NPTN: variants seen among roughly 807,000 people sequenced by gnomAD.
NPTN encodes SDR-1.
NPTN carries 5 observed loss-of-function variants against 42.7 expected under a neutral mutation model. That is an observed-to-expected ratio of 0.12 (90% CI 0.06 to 0.25). NPTN has a LOEUF of 0.25. Ranked by LOEUF, NPTN falls within the 10% of genes least tolerant of loss-of-function variation. The probability of loss-of-function intolerance (pLI) is 1.00; values close to 1 mark genes in which losing one functional copy is unlikely to be tolerated. For missense variants in NPTN, 307 were observed against 525.4 expected, an observed-to-expected ratio of 0.58 and a Z score of 4.06; for synonymous variants, 180 against 201.9, an observed-to-expected ratio of 0.89 and a Z score of 0.92.
intron 8 of NPTN, among the ~76,000 whole-genome samples, chr15:73,561,490 G>A (rs1487327136): frequency 6.6e-6 from 1 of 152,102 alleles, no homozygotes; most frequent in Non-Finnish European, 1.5e-5. Context: ...GACCACCCTG[G>A]CCAACATGAT....
chr15:73,602,762 A>G (rs185777511), intron 1 of NPTN, among the ~76,000 whole-genome samples: 2 of 152,346 alleles, frequency 1.3e-5, no homozygotes, highest in Admixed American at 1.3e-4. Context: ...GGTACCACAG[A>G]TTAGTCTCAT....
chr15:73,617,112 A>T (rs896385565), intron 1 of NPTN, among the ~76,000 whole-genome samples: 5 of 152,216 alleles, frequency 3.3e-5, no homozygotes, highest in African/African-American at 1.2e-4. Context: ...ACTATATTCA[A>T]AAAAAGACTA....
intron 3 of NPTN, among the ~76,000 whole-genome samples, chr15:73,590,939 T>C (rs1030616490): frequency 6.6e-6 from 1 of 152,088 alleles, no homozygotes; most frequent in South Asian, 2.1e-4. Context: ...ACAGTGGAGA[T>C]AGGTTAACTA....
chr15:73,578,666 G>A (rs1348556047), intron 4 of NPTN, among the ~76,000 whole-genome samples: 3 of 152,176 alleles, frequency 2.0e-5, no homozygotes, highest in African/African-American at 7.2e-5. Flanking sequence ...TCTAGAACAT[G>A]GTAAGTTTAA....
At chr15:73,583,876 TCA>T (rs1789201025) in intron 4 of NPTN, among the ~76,000 whole-genome samples, 1 of 152,214 alleles carries the variant, frequency 6.6e-6, no homozygotes, top group South Asian at 2.1e-4. Context: ...TCACTGTTCT[TCA>T]CAGTGATCTT....
chr15:73,564,670 A>C (rs1161051175), intron 6 of NPTN, among the ~76,000 whole-genome samples: 1 of 152,146 alleles, frequency 6.6e-6, no homozygotes, highest in Non-Finnish European at 1.5e-5. Flanking sequence ...ATACAAAGAC[A>C]TACCAGGTAC....
Position 73,569,411 on chromosome 15 carries a change from C to G in NPTN, c.1114+739G>C. 2.0e-6 allele frequency: 2 copies of G among 985,832 alleles called. No homozygotes were observed. The highest frequency in any genetic ancestry group is 9.4e-5 in the South Asian group (2 of 21,296). The allele number at this position is 985,832 out of a possible 1,614,324, so 61.1% of individuals were successfully genotyped here. A position where few individuals can be genotyped will look rare whatever the true frequency, so the allele number is the denominator to read the frequency against. ...TGGTGTGCTGTGGTTCTGCTGCTAC[C>G]ATCTCCTCCCTTCTCTGACCCTAGG... On this transcript the variant is annotated intron_variant, in intron 6 of 8. Coordinates refer to ENST00000345330, the MANE Select transcript of NPTN (RefSeq NM_012428.4). The surrounding 1 kb of genome is among the most constrained non-coding windows in gnomAD (Gnocchi z 4.1).
chr15:73,595,990 T>G (rs1896819567), intron 2 of NPTN, among the ~76,000 whole-genome samples: 1 of 152,186 alleles, frequency 6.6e-6, no homozygotes, highest in Non-Finnish European at 1.5e-5. Flanking sequence ...AGTTTCCTCT[T>G]TTTTCAAGAC....
chr15:73,564,503 A>AAC (rs1242602987), intron 6 of NPTN, among the ~76,000 whole-genome samples: 2 of 152,198 alleles, frequency 1.3e-5, no homozygotes, highest in African/African-American at 4.8e-5. Context: ...ACTAACCACA[A>AAC]ACCAATGACT....
intron 4 of NPTN, among the ~76,000 whole-genome samples, chr15:73,583,846 G>A (rs190417704): frequency 5.9e-5 from 9 of 152,276 alleles, no homozygotes; most frequent in South Asian, 2.1e-4. Flanking sequence ...TGAAAGTGCC[G>A]TGTGAATGTG....
chr15:73,632,854 C>T (rs959238608), intron 1 of NPTN: 3 of 361,880 alleles, frequency 8.3e-6, no homozygotes, highest in Non-Finnish European at 1.5e-5. Context: ...CTCGCCGACC[C>T]GGCACGACGA....
Position 73,597,381 on chromosome 15 carries a change from G to A in NPTN, c.92-12C>T. 2 of 1,602,338 alleles carry A rather than the reference G, an allele frequency of 1.2e-6. No individual in the cohort carries two copies. The highest frequency in any genetic ancestry group is 1.7e-6 in the Non-Finnish European group (2 of 1,170,892). On this transcript the variant is annotated splice_polypyrimidine_tract_variant and intron_variant, in intron 1 of 8. Transcript: ENST00000345330. This position sits in a 1 kb window ranked among gnomAD's most constrained non-coding sequence, Gnocchi z 6.3. Reference sequence around the variant, plus strand: ...CTTGACAAACCCAGCTAGAGGGAGGGGGAGCAGGAATGCAGTGACAGGCCA... The same window carrying A: ...CTTGACAAACCCAGCTAGAGGGAGGAGGAGCAGGAATGCAGTGACAGGCCA...
intron 4 of NPTN, among the ~76,000 whole-genome samples, chr15:73,575,580 C>G (rs1427122646): frequency 1.3e-5 from 2 of 152,216 alleles, no homozygotes; most frequent in African/African-American, 4.8e-5. Flanking sequence ...ATGGAGACAC[C>G]TCGTGTCCTT....
intron 3 of NPTN, among the ~76,000 whole-genome samples, chr15:73,589,074 G>A (rs1896463134): frequency 6.6e-6 from 1 of 152,192 alleles, no homozygotes. Context: ...GCTCACACCT[G>A]TAATCCCAGC....
chr15:73,561,839 T>C (rs966115032), intron 8 of NPTN, 57 bp downstream of exon 8: 16 of 1,248,872 alleles, frequency 1.3e-5, no homozygotes, highest in East Asian at 9.4e-5. Flanking sequence ...ACAAGGTCAA[T>C]AGAGGCACAT....
intron 1 of NPTN, among the ~76,000 whole-genome samples, chr15:73,628,742 A>G (rs1192741626): frequency 6.6e-6 from 1 of 152,062 alleles, no homozygotes; most frequent in Non-Finnish European, 1.5e-5. Flanking sequence ...GCCCAATTAA[A>G]TCTTTTTTTA....
intron 4 of NPTN, among the ~76,000 whole-genome samples, chr15:73,584,608 T>TAAA (rs1371738898): frequency 6.6e-6 from 1 of 152,032 alleles, no homozygotes; most frequent in Non-Finnish European, 1.5e-5. Flanking sequence ...GGTGGGGCTT[T>TAAA]GGGCTCCATA....
At chr15:73,618,658 G>A (rs1897978886) in intron 1 of NPTN, among the ~76,000 whole-genome samples, 1 of 152,126 alleles carries the variant, frequency 6.6e-6, no homozygotes, top group Non-Finnish European at 1.5e-5. Context: ...GCAACAGTGA[G>A]ACTCTGTCTC....
chr15:73,591,729 T>G (rs1157307921), intron 3 of NPTN: 1 of 344,244 alleles, frequency 2.9e-6, no homozygotes, highest in Non-Finnish European at 5.3e-6. Context: ...AGCCTCAGTT[T>G]CTCTATGATT....
Sources: gnomAD v4.1 joint callset for allele counts (sites outside exome capture counted in the v4.1 genomes callset) on GRCh38, gnomAD v4.1.1 for gene constraint, Gnocchi (gnomAD v3.1) non-coding constraint, MANE v1.5 for transcripts, NCBI Gene and HGNC (gene_info 2026-07-23, HGNC 2026-07-21) for gene names.